SMYD1: variants seen among roughly 807,000 people sequenced by gnomAD.
SMYD1 encodes histone-lysine N-methyltransferase SMYD1.
A neutral mutation model predicts 54.0 loss-of-function variants in SMYD1; 49 were observed. The ratio of observed to expected loss-of-function variants is 0.91; its 90% CI spans 0.72 to 1.15. SMYD1 has a LOEUF of 1.15. SMYD1 is among the 50% of genes most tolerant of loss of function. The probability of loss-of-function intolerance (pLI) is 0.00; values close to 1 mark genes in which losing one functional copy is unlikely to be tolerated. For missense variants in SMYD1, 653 were observed against 639.6 expected (o/e 1.02, Z -0.23); for synonymous variants, 269 against 234.2 (o/e 1.15, Z -1.36).
intron 1 of SMYD1, among the ~76,000 whole-genome samples, chr2:88,068,556 T>A (rs539478079): frequency 2.6e-4 from 40 of 152,052 alleles, no homozygotes; most frequent in Admixed American, 4.6e-4. Context: ...AATGTTCCTG[T>A]GCTATTACAT....
At chr2:88,100,750 T>G (rs1395915905) in intron 6 of SMYD1, among the ~76,000 whole-genome samples, 2 of 152,152 alleles carry the variant, frequency 1.3e-5, no homozygotes, top group African/African-American at 4.8e-5. Context: ...CAGCAGCTGG[T>G]AGCAGGCAGG....
At chr2:88,107,709 A>T (rs1558859907) in intron 8 of SMYD1, among the ~76,000 whole-genome samples, 1 of 152,170 alleles carries the variant, frequency 6.6e-6, no homozygotes, top group Non-Finnish European at 1.5e-5. Context: ...GCTAGCAATG[A>T]GCGAGGCTCC....
At chr2:88,071,212 T>G (rs754633865) in intron 1 of SMYD1, among the ~76,000 whole-genome samples, 8 of 152,322 alleles carry the variant, frequency 5.3e-5, no homozygotes, top group Middle Eastern at 3.4e-3. Flanking sequence ...TGAACATTTT[T>G]GCTCCTATCT....
chr2:88,096,480 G>C lies in SMYD1; in HGVS notation c.699-115G>C. 3 of 891,558 alleles carry C rather than the reference G, an allele frequency of 3.4e-6. No individual in the cohort carries two copies. The East Asian group carries it at 7.3e-5, about 22-fold the overall frequency. 55.2% of individuals were successfully genotyped at this position (891,558 alleles called of 1,614,324 possible). Reference sequence around the variant, plus strand: ...TTTTGTGGGGTCAATGGGAGTTTCTGAGTGTCAGTGAAAGTCATTGTCTTT... The same window carrying C: ...TTTTGTGGGGTCAATGGGAGTTTCTCAGTGTCAGTGAAAGTCATTGTCTTT... On this transcript the variant is annotated intron_variant, in intron 5 of 9. Coordinates refer to ENST00000419482, the MANE Select transcript of SMYD1 (RefSeq NM_198274.4).
At chr2:88,102,937 A>G in intron 6 of SMYD1, 121 bp from the exon 7 acceptor site, 1 of 706,062 alleles carries the variant, frequency 1.4e-6, no homozygotes, top group Admixed American at 2.2e-5. Context: ...GGAATGAGGC[A>G]TTCAGAATGA....
chr2:88,093,112 T>A (rs1410274012), intron 4 of SMYD1, among the ~76,000 whole-genome samples: 1 of 152,208 alleles, frequency 6.6e-6, no homozygotes, highest in Non-Finnish European at 1.5e-5. Flanking sequence ...CACTTCAAAC[T>A]CTTTCCAAGA....
At chr2:88,101,725 C>T (rs368645987) in intron 6 of SMYD1, among the ~76,000 whole-genome samples, 41 of 152,300 alleles carry the variant, frequency 2.7e-4, no homozygotes, top group African/African-American at 9.4e-4. Flanking sequence ...TGTGCCTCAG[C>T]CTCCCTAGTA....
At chr2:88,089,830 G>T in intron 3 of SMYD1, among the ~76,000 whole-genome samples, 1 of 151,836 alleles carries the variant, frequency 6.6e-6, no homozygotes, top group Non-Finnish European at 1.5e-5. Flanking sequence ...GAGCTCAAGT[G>T]ATCTGCCCAT....
In SMYD1 at chr2:88,111,155, A is replaced by G. The variant is rs901468572; in HGVS notation, c.*643A>G. 2 of 152,224 alleles carry G rather than the reference A, an allele frequency of 1.3e-5. No homozygotes were observed. Among genetic ancestry groups the G allele is most frequent in the Admixed American group, 6.5e-5 (1 of 15,280 alleles). 9.4% of individuals were successfully genotyped at this position (152,224 alleles called of 1,614,324 possible). ...ACCTGAAACCACTTCAGAATGGTGC[A>G]TATGTCGAAAGAGCTGGCTGGGGGC... On this transcript the variant is annotated 3_prime_UTR_variant, in exon 10 of 10. Transcript: ENST00000419482.
Position 88,112,188 on chromosome 2 carries a change from T to C in SMYD1, c.*1676T>C. 1 of 703,020 alleles carries C rather than the reference T, an allele frequency of 1.4e-6. No homozygotes were observed. Among genetic ancestry groups the C allele is most frequent in the Middle Eastern group, 2.3e-4 (1 of 4,366 alleles). The allele number at this position is 703,020 out of a possible 1,614,324, so 43.5% of individuals were successfully genotyped here. On this transcript the variant is annotated 3_prime_UTR_variant, in exon 10 of 10. Coordinates refer to ENST00000419482, the MANE Select transcript of SMYD1 (RefSeq NM_198274.4). The stretch of plus-strand genomic sequence containing the variant: ...ACTTTCTCCCAGGGATCTAACTGGC[T>C]AGTTCAAATTATCACTCTTTTACCT...
chr2:88,104,545 T>G (rs567162568), intron 7 of SMYD1, among the ~76,000 whole-genome samples: 1 of 152,218 alleles, frequency 6.6e-6, no homozygotes, highest in Non-Finnish European at 1.5e-5. Context: ...CCATTCAGAC[T>G]TGGCAGGGCT....
At chr2:88,096,537 C>A in intron 5 of SMYD1, 58 bp from the exon 6 acceptor site, 2 of 1,467,660 alleles carry the variant, frequency 1.4e-6, no homozygotes, top group Non-Finnish European at 1.9e-6. Flanking sequence ...TTGGAGAGCA[C>A]GGATCCCATT....
chr2:88,082,212 C>T (rs1199295785), intron 1 of SMYD1, among the ~76,000 whole-genome samples: 1 of 152,168 alleles, frequency 6.6e-6, no homozygotes, highest in Non-Finnish European at 1.5e-5. Flanking sequence ...TGTAATTCTA[C>T]TCCTTGCTCA....
At position 88,092,667 on chromosome 2, in the gene SMYD1, G is replaced by C. The variant is rs137965970; in HGVS notation, c.660-850G>C. On this transcript the variant is annotated intron_variant, in intron 4 of 9. Coordinates refer to ENST00000419482, the MANE Select transcript of SMYD1 (RefSeq NM_198274.4). ...GGACTCAGATGATAATCTTTTCTCA[G>C]CATTTGTGTTTCCTTTCTGAAGCCT... Among the ~76,000 whole-genome samples the C allele has an allele frequency of 7.2e-5, 11 of 152,330 alleles. No individual in the cohort carries two copies. In the East Asian group the frequency reaches 2.1e-3, roughly 29 times the overall value.
chr2:88,112,244 C>T lies in SMYD1; in HGVS notation c.*1732C>T, dbSNP rs1389847978. On this transcript the variant is annotated 3_prime_UTR_variant, in exon 10 of 10. Coordinates refer to ENST00000419482, the MANE Select transcript of SMYD1 (RefSeq NM_198274.4). Reference sequence around the variant, plus strand: ...TAAAATGTCTCCCCCAAACCTTTTTCCCTTCTTTGTCATTGTTATCTGCTA... The same window carrying T: ...TAAAATGTCTCCCCCAAACCTTTTTTCCTTCTTTGTCATTGTTATCTGCTA... The T allele has an allele frequency of 1.0e-5, 7 of 680,870 alleles. No individual in the cohort carries two copies. Among genetic ancestry groups the T allele is most frequent in the Non-Finnish European group, 1.6e-5 (6 of 370,842 alleles). 42.2% of individuals were successfully genotyped at this position (680,870 alleles called of 1,614,324 possible).
chr2:88,076,054 T>C (rs981614499), intron 1 of SMYD1, among the ~76,000 whole-genome samples: 1 of 152,164 alleles, frequency 6.6e-6, no homozygotes, highest in African/African-American at 2.4e-5. Context: ...TCGTAGGTGA[T>C]GCCTTTCTAG....
At chr2:88,100,127 G>T (rs981797596) in intron 6 of SMYD1, among the ~76,000 whole-genome samples, 4 of 152,018 alleles carry the variant, frequency 2.6e-5, no homozygotes, top group African/African-American at 9.7e-5. Context: ...TCACAGCGGG[G>T]GTTCCTTAAA....
chr2:88,105,413 A>G (rs1405934061), intron 7 of SMYD1, among the ~76,000 whole-genome samples: 2 of 151,980 alleles, frequency 1.3e-5, no homozygotes, highest in African/African-American at 4.8e-5. Flanking sequence ...CGATATCTTT[A>G]GAGAATTGGT....
chr2:88,093,864 C>G (rs147313061), intron 5 of SMYD1, among the ~76,000 whole-genome samples: 1 of 152,168 alleles, frequency 6.6e-6, no homozygotes, highest in East Asian at 1.9e-4. Context: ...CCTATCTTGT[C>G]TCCCTAAACC....
Sources: gnomAD v4.1 joint callset for allele counts (sites outside exome capture counted in the v4.1 genomes callset) on GRCh38, gnomAD v4.1.1 for gene constraint, MANE v1.5 for transcripts, NCBI Gene and HGNC (gene_info 2026-07-23, HGNC 2026-07-21) for gene names.